The following CDC45 variants were observed in gnomAD, a reference collection of about 807,000 sequenced individuals.
The protein encoded by CDC45 is cell division control protein 45 homolog.
CDC45 carries 54 observed loss-of-function variants against 77.8 expected under a neutral mutation model. The observed-to-expected ratio is 0.69, with a 90% CI of 0.56 to 0.87. The LOEUF (loss-of-function observed/expected upper bound fraction) is 0.87, where lower values mean the gene tolerates loss of function less well. Ranked by LOEUF, CDC45 falls within the 40% of genes least tolerant of loss-of-function variation. CDC45 has a pLI of 0.00. For missense variants in CDC45, 649 were observed against 721.6 expected (o/e 0.90, Z 1.15); for synonymous variants, 260 against 272.1 (o/e 0.96, Z 0.44).
intron 3 of CDC45, among the ~76,000 whole-genome samples, chr22:19,482,160 T>G (rs564201697): frequency 1.3e-5 from 2 of 152,258 alleles, no homozygotes; most frequent in African/African-American, 4.8e-5. Flanking sequence ...TAGCCATATC[T>G]AGGATTGTTT....
chr22:19,514,623 A>G (rs547894518), intron 13 of CDC45, 126 bp from the exon 14 acceptor site: 41 of 731,304 alleles, frequency 5.6e-5, no homozygotes, highest in African/African-American at 8.9e-5. Context: ...CAGGAGGGAA[A>G]GAAGATAAAT....
intron 8 of CDC45, 146 bp from the exon 9 acceptor site, chr22:19,498,955 C>A: frequency 1.2e-6 from 1 of 823,436 alleles, no homozygotes; most frequent in South Asian, 1.6e-5. Context: ...GGCCACCTGA[C>A]TGAGGCAAGC....
chr22:19,509,861 G>C (rs1273346452), intron 13 of CDC45, among the ~76,000 whole-genome samples: 1 of 152,128 alleles, frequency 6.6e-6, no homozygotes, highest in African/African-American at 2.4e-5. Context: ...TCCTGGTTCT[G>C]CTCCCAAGCA....
chr22:19,481,150 C>T (rs1223411706), intron 3 of CDC45, 105 bp downstream of exon 3: 1 of 693,364 alleles, frequency 1.4e-6, no homozygotes, highest in East Asian at 2.7e-5. Context: ...TAAGTATCAG[C>T]TACATTAGGC....
chr22:19,501,096 C>T (rs962091823), intron 9 of CDC45, among the ~76,000 whole-genome samples: 1 of 152,186 alleles, frequency 6.6e-6, no homozygotes, highest in African/African-American at 2.4e-5. Context: ...AGAGGAATCG[C>T]TTGAACCCAG....
intron 8 of CDC45, among the ~76,000 whole-genome samples, chr22:19,498,354 G>C (rs2146380586): frequency 6.6e-6 from 1 of 152,360 alleles, no homozygotes; most frequent in South Asian, 2.1e-4. Context: ...CTCTTGCTAG[G>C]CATCCTTGCA....
At chr22:19,491,413 C>G (rs953089651) in intron 5 of CDC45, among the ~76,000 whole-genome samples, 11 of 151,596 alleles carry the variant, frequency 7.3e-5, no homozygotes, top group African/African-American at 2.7e-4. Context: ...CCTTAGTTTT[C>G]CATCTTTGAG....
In CDC45 at chr22:19,518,851, G is replaced by A; in HGVS notation, c.1644G>A (p.Glu548=). 2.5e-6 allele frequency: 4 copies of A among 1,614,002 alleles called. No individual in the cohort carries two copies. Among genetic ancestry groups the A allele is most frequent in the Non-Finnish European group, 3.4e-6 (4 of 1,179,894 alleles). ...LHNHFDLSVI[E]LKAEDRSKFL... Reference sequence around the variant, plus strand: ...TTTCTTTCATTACTTCAGTAATTGAGCTGAAAGCTGAGGATCGGAGCAAGT... The same window carrying A: ...TTTCTTTCATTACTTCAGTAATTGAACTGAAAGCTGAGGATCGGAGCAAGT... The change falls in exon 18 of 19, where the codon GAG becomes GAA. Residue 548 remains glutamate (E), a synonymous_variant. Transcript: ENST00000263201.
intron 12 of CDC45, 22 bp downstream of exon 12, chr22:19,507,886 T>C (rs773738048): frequency 1.4e-6 from 2 of 1,435,140 alleles, no homozygotes; most frequent in East Asian, 4.5e-5. Context: ...TTTTTCTGGA[T>C]TTATCTTCAT....
chr22:19,501,321 T>C (rs962037719), intron 9 of CDC45, among the ~76,000 whole-genome samples: 3 of 152,216 alleles, frequency 2.0e-5, no homozygotes, highest in African/African-American at 4.8e-5. Context: ...CTGGGCTCCA[T>C]TGAAATATGG....
chr22:19,507,784 G>A lies in CDC45; in HGVS notation c.975G>A (p.Val325=), dbSNP rs750758657. The part of the protein sequence containing the change: ...LADMGLPLKQ[V]KQKFQAMDIS... Reference sequence around the variant, plus strand: ...TTTCCAGTCTTCCCCTGAAGCAGGTGAAGCAGAAGTTCCAGGCCATGGACA... The same window carrying A: ...TTTCCAGTCTTCCCCTGAAGCAGGTAAAGCAGAAGTTCCAGGCCATGGACA... The change falls in exon 12 of 19, where the codon GTG becomes GTA. Residue 325 remains valine, a synonymous_variant. Transcript: ENST00000263201. 24 of 1,599,978 alleles carry A rather than the reference G, an allele frequency of 1.5e-5. No individual in the cohort carries two copies. The highest frequency in any genetic ancestry group is 7.1e-5 in the Admixed American group (4 of 56,224).
chr22:19,516,296 A>T (rs1933783076), intron 15 of CDC45: 1 of 555,910 alleles, frequency 1.8e-6, no homozygotes, highest in Admixed American at 3.1e-5. Flanking sequence ...CCACAGTACC[A>T]TGCTGTGGGT....
intron 13 of CDC45, among the ~76,000 whole-genome samples, chr22:19,513,888 A>G (rs1273991748): frequency 1.3e-5 from 2 of 151,894 alleles, no homozygotes; most frequent in African/African-American, 2.4e-5. Flanking sequence ...TACATTTTCC[A>G]TAGCTTTGTC....
chr22:19,480,173 G>C lies in CDC45; in HGVS notation c.67G>C (p.Val23Leu), dbSNP rs767186293. The change falls in exon 2 of 19, where the codon GTG (valine) becomes CTG (leucine). Residue 23 changes from valine to leucine, a missense_variant. Coordinates refer to ENST00000263201, the MANE Select transcript of CDC45 (RefSeq NM_003504.5). ...TCCCCGATAGAGGGTCCTTCTCTTC[G>C]TGGCCTCGGACGTGGATGCTCTGTG... Reference protein sequence around the residue: ...VVQSQRVLLFVASDVDALCAC... With the variant: ...VVQSQRVLLFLASDVDALCAC... 2 of 1,614,048 alleles carry C rather than the reference G, an allele frequency of 1.2e-6. No homozygotes were observed. Among genetic ancestry groups the C allele is most frequent in the South Asian group, 2.2e-5 (2 of 91,090 alleles).
intron 5 of CDC45, among the ~76,000 whole-genome samples, chr22:19,484,412 A>G (rs1278266605): frequency 6.6e-6 from 1 of 152,208 alleles, no homozygotes; most frequent in African/African-American, 2.4e-5. Context: ...CCAGTCCCAG[A>G]CAATTACTGC....
intron 6 of CDC45, 45 bp from the exon 7 acceptor site, chr22:19,495,936 G>C (rs755505484): frequency 7.1e-7 from 1 of 1,411,370 alleles, no homozygotes; most frequent in Admixed American, 1.7e-5. Context: ...TTGGCTTCCT[G>C]TACTGCTACT....
intron 6 of CDC45, among the ~76,000 whole-genome samples, chr22:19,494,873 A>G (rs575613523): frequency 6.6e-6 from 1 of 152,134 alleles, no homozygotes; most frequent in Non-Finnish European, 1.5e-5. Context: ...TGCCGCTGCC[A>G]CAGGAGGAAG....
chr22:19,487,910 CAA>C (rs11291499), intron 5 of CDC45, among the ~76,000 whole-genome samples: 87 of 68,750 alleles, frequency 1.3e-3, no homozygotes, highest in African/African-American at 3.7e-3. Flanking sequence ...GACTCCGTCT[CAA>C]AAAAAAAAAA....
chr22:19,485,010 G>C (rs528388844), intron 5 of CDC45, among the ~76,000 whole-genome samples: 1 of 151,736 alleles, frequency 6.6e-6, no homozygotes, highest in African/African-American at 2.4e-5. Context: ...GGGCTCACTC[G>C]ATCTTCCCAC....
Sources: allele counts gnomAD v4.1 joint callset (sites outside exome capture counted in the v4.1 genomes callset), GRCh38; gene constraint gnomAD v4.1.1; transcripts MANE v1.5; gene names NCBI Gene and HGNC (gene_info 2026-07-23, HGNC 2026-07-21).